The following ANKRD17 variants were observed in gnomAD, a reference collection of about 807,000 sequenced individuals.
ANKRD17 encodes the protein ankyrin repeat domain 17.
In ANKRD17, 19 loss-of-function variants were observed where a neutral mutation model predicts 229.7. That is an observed-to-expected ratio of 0.08 (90% CI 0.06 to 0.12). The LOEUF is 0.12. Ranked by LOEUF, ANKRD17 falls within the 10% of genes least tolerant of loss-of-function variation. The probability of loss-of-function intolerance (pLI) is 1.00; values close to 1 mark genes in which losing one functional copy is unlikely to be tolerated. For missense variants in ANKRD17, 2,176 were observed against 3,176.8 expected (o/e 0.68, Z 7.57); for synonymous variants, 1,112 against 1,146.1 (o/e 0.97, Z 0.60).
At chr4:73,134,312 A>G in intron 16 of ANKRD17, among the ~76,000 whole-genome samples, 1 of 152,144 alleles carries the variant, frequency 6.6e-6, no homozygotes, top group East Asian at 1.9e-4. Context: ...TCATATATAA[A>G]ATTAAAAGTT....
chr4:73,158,625 A>G (rs928685195), intron 3 of ANKRD17, among the ~76,000 whole-genome samples: 4 of 152,224 alleles, frequency 2.6e-5, no homozygotes, highest in African/African-American at 9.6e-5. Context: ...CTCATGTGAA[A>G]TTTAACCCCA....
intron 1 of ANKRD17, chr4:73,222,994 C>T (rs1387703714): frequency 6.5e-7 from 1 of 1,535,926 alleles, no homozygotes; most frequent in South Asian, 1.2e-5. Flanking sequence ...TCTTCTAGAA[C>T]ATATGCTTCC....
intron 1 of ANKRD17, among the ~76,000 whole-genome samples, chr4:73,190,575 CA>C (rs992168838): frequency 1.6e-5 from 2 of 127,424 alleles, no homozygotes; most frequent in African/African-American, 2.9e-5. Context: ...AAAAAAAAAA[CA>C]AAAAAAACCT....
chr4:73,147,155 C>T, intron 9 of ANKRD17, 86 bp downstream of exon 9: 1 of 1,268,446 alleles, frequency 7.9e-7, no homozygotes, highest in African/African-American at 1.5e-5. Flanking sequence ...TTCAGTGTAT[C>T]ATAGCATCAT....
In ANKRD17 at chr4:73,092,069, A is replaced by T. The variant is rs1370368369; in HGVS notation, c.5559T>A (p.Thr1853=). Residue 1853 remains threonine, a synonymous_variant, in exon 29 of 34, where the codon ACT becomes ACA. Coordinates refer to ENST00000358602, the MANE Select transcript of ANKRD17 (RefSeq NM_032217.5). ...SSTSQTATAL[T]VPAISSASTH... ...TGGATGCAGAAGAAATTGCAGGCAC[A>T]GTGAGTGCTGTGGCAGTTTGAGATG... The T allele has an allele frequency of 1.2e-6, 2 of 1,614,128 alleles. No homozygotes were observed. The highest frequency in any genetic ancestry group is 2.7e-5 in the African/African-American group (2 of 74,932).
At chr4:73,130,540 C>A (rs1303535353) in intron 16 of ANKRD17, among the ~76,000 whole-genome samples, 2 of 151,746 alleles carry the variant, frequency 1.3e-5, no homozygotes, top group Non-Finnish European at 2.9e-5. Context: ...TTGATGTCTA[C>A]CCTTCTTTAA....
At chr4:73,130,909 G>A (rs1413220411) in intron 16 of ANKRD17, among the ~76,000 whole-genome samples, 1 of 151,964 alleles carries the variant, frequency 6.6e-6, no homozygotes, top group Non-Finnish European at 1.5e-5. Context: ...TAAAGCCTGT[G>A]GTTTTAAAAA....
chr4:73,186,284 T>C (rs563245914), intron 1 of ANKRD17, among the ~76,000 whole-genome samples: 2 of 152,124 alleles, frequency 1.3e-5, no homozygotes, highest in South Asian at 2.1e-4. Flanking sequence ...TTCAGTAATG[T>C]CACAGAACAC....
Position 73,139,620 on chromosome 4 carries a change from C to T in ANKRD17, c.2996G>A (p.Gly999Glu). 2 of 1,614,084 alleles carry T rather than the reference C, an allele frequency of 1.2e-6. No homozygotes were observed. The highest frequency in any genetic ancestry group is 1.7e-6 in the Non-Finnish European group (2 of 1,180,008). ...TTGTGTTTCTGTCAGAATTCCTTGCCCCAGCCCTGCCAACTGTGCTTGGCC... is the reference window on the plus strand; with the variant it reads ...TTGTGTTTCTGTCAGAATTCCTTGCTCCAGCCCTGCCAACTGTGCTTGGCC... ...VLGQAQLAGL[G>E]QGILTETQQG... is the part of the protein sequence containing the mutation. The change falls in exon 15 of 34, where the codon GGG becomes GAG. Residue 999 changes from glycine to glutamate, a missense_variant. By Grantham distance (98) the Gly-to-Glu change is moderately conservative (BLOSUM62 -2). This residue lies in a region of ANKRD17 where 230 missense variants were observed against 252.3 expected (regional missense o/e 0.91). Transcript: ENST00000358602.
chr4:73,143,578 A>G (rs1278984622), intron 11 of ANKRD17, among the ~76,000 whole-genome samples: 1 of 152,350 alleles, frequency 6.6e-6, no homozygotes, highest in African/African-American at 2.4e-5. Flanking sequence ...ACAGTATTCT[A>G]AAGCATATCA....
chr4:73,120,204 G>A lies in ANKRD17; in HGVS notation c.3983C>T (p.Ala1328Val). The change falls in exon 21 of 34, where the codon GCA becomes GTA. Residue 1328 changes from alanine to valine, a missense_variant. By Grantham distance (64) the Ala-to-Val change is moderately conservative. Around this residue, in one of 18 missense-constraint regions of ANKRD17, gnomAD observed 178 missense variants for 421.7 expected, o/e 0.42. Transcript: ENST00000358602. ...ACAGAATTTGTAATGCCCTTTATCTGCTGCTATGGTTAAAGCTGTATCTCT... is the reference window on the plus strand; with the variant it reads ...ACAGAATTTGTAATGCCCTTTATCTACTGCTATGGTTAAAGCTGTATCTCT... The part of the protein sequence containing the change: ...SSRDTALTIA[A>V]DKGHYKFCEL... 6.2e-7 allele frequency: 1 copy of A among 1,614,038 alleles called. No homozygotes were observed. The highest frequency in any genetic ancestry group is 8.5e-7 in the Non-Finnish European group (1 of 1,179,998).
intron 1 of ANKRD17, among the ~76,000 whole-genome samples, chr4:73,229,573 T>C (rs1349893223): frequency 6.6e-6 from 1 of 151,126 alleles, no homozygotes; most frequent in East Asian, 1.9e-4. Flanking sequence ...AACACATAAA[T>C]TCTCCAACAA....
chr4:73,088,046 T>C (rs978184398), intron 29 of ANKRD17, among the ~76,000 whole-genome samples: 9 of 152,048 alleles, frequency 5.9e-5, no homozygotes, highest in African/African-American at 2.2e-4. Context: ...GCAGAGAATA[T>C]ATTAATAAAT....
At chr4:73,196,111 T>G (rs754919772) in intron 1 of ANKRD17, among the ~76,000 whole-genome samples, 8 of 151,388 alleles carry the variant, frequency 5.3e-5, no homozygotes, top group Non-Finnish European at 8.8e-5. Flanking sequence ...GTGATTCTTC[T>G]GCCTCAGTCT....
chr4:73,219,789 A>G (rs778400876), intron 1 of ANKRD17, among the ~76,000 whole-genome samples: 3 of 152,172 alleles, frequency 2.0e-5, no homozygotes, highest in Non-Finnish European at 4.4e-5. Flanking sequence ...TTATTATTAC[A>G]CTTAACAATA....
At chr4:73,161,025 C>G (rs1019452686) in intron 3 of ANKRD17, among the ~76,000 whole-genome samples, 167 bp downstream of exon 3, 1 of 152,180 alleles carries the variant, frequency 6.6e-6, no homozygotes, top group African/African-American at 2.4e-5. Context: ...GGAGTAAAAA[C>G]AAAATCTATA....
Position 73,091,672 on chromosome 4 carries a change from T to A in ANKRD17, c.5956A>T (p.Asn1986Tyr). The change falls in exon 29 of 34, where the codon AAT becomes TAT. Residue 1986 changes from asparagine (N) to tyrosine (Y), a missense_variant. Around this residue, in one of 18 missense-constraint regions of ANKRD17, gnomAD observed 424 missense variants for 454.0 expected, o/e 0.93. Coordinates refer to ENST00000358602, the MANE Select transcript of ANKRD17 (RefSeq NM_032217.5). ...SASTVPGTST[N>Y]GSPSSPSVRR... is the part of the protein sequence containing the mutation. ...ACAGAAGGTGAACTTGGACTGCCAT[T>A]TGTAGATGTACCAGGCACCGTTGAA... 1.2e-6 allele frequency: 2 copies of A among 1,614,164 alleles called. No individual in the cohort carries two copies. Among genetic ancestry groups the A allele is most frequent in the Non-Finnish European group, 1.7e-6 (2 of 1,180,032 alleles).
intron 24 of ANKRD17, among the ~76,000 whole-genome samples, chr4:73,109,227 G>A (rs1043053895): frequency 1.3e-5 from 2 of 151,908 alleles, no homozygotes; most frequent in Admixed American, 6.6e-5. Flanking sequence ...TTCAACCTGT[G>A]AGGTGGAGGT....
intron 2 of ANKRD17, among the ~76,000 whole-genome samples, chr4:73,173,995 A>G (rs1373448702): frequency 6.6e-6 from 1 of 151,652 alleles, no homozygotes; most frequent in Non-Finnish European, 1.5e-5. Flanking sequence ...TCCTCCCTAA[A>G]TCATTCTATG....
Sources: gnomAD v4.1 joint callset for allele counts (sites outside exome capture counted in the v4.1 genomes callset) on GRCh38, gnomAD v4.1.1 for gene constraint, gnomAD v4.1.1 regional missense constraint, MANE v1.5 for transcripts, NCBI Gene and HGNC (gene_info 2026-07-23, HGNC 2026-07-21) for gene names.